The following XPO7 variants were observed in gnomAD, a reference collection of about 807,000 sequenced individuals.
XPO7 encodes exportin-7.
A neutral mutation model predicts 144.3 loss-of-function variants in XPO7; 21 were observed. The ratio of observed to expected loss-of-function variants is 0.15; its 90% confidence interval spans 0.10 to 0.21. The LOEUF is 0.21. XPO7 is among the 10% of genes least tolerant of loss of function. The pLI is 1.00. For missense variants in XPO7, 808 were observed against 1,325.8 expected (o/e 0.61, Z 6.06); for synonymous variants, 580 against 499.6 (o/e 1.16, Z -2.15).
At chr8:21,982,541 T>A (rs2054712) in intron 10 of XPO7, 99 bp from the exon 11 acceptor site, 38,439 of 1,344,162 alleles carry the variant, frequency 0.029, 680 homozygotes, top group Non-Finnish European at 0.034. Flanking sequence ...CCTCTTTTTT[T>A]AAAAAAAAGA....
At chr8:21,962,420 T>A (rs1811755409) in intron 1 of XPO7, among the ~76,000 whole-genome samples, 1 of 152,234 alleles carries the variant, frequency 6.6e-6, no homozygotes. Context: ...TTTAGCCTTG[T>A]GAATAGTTTT....
chr8:21,997,253 A>G (rs1433437258), intron 21 of XPO7, among the ~76,000 whole-genome samples: 3 of 152,254 alleles, frequency 2.0e-5, no homozygotes, highest in Non-Finnish European at 4.4e-5. Flanking sequence ...CCTAGCCACT[A>G]TGCCAGACAA....
At chr8:21,988,547 A>G (rs1339487487) in intron 15 of XPO7, 1 of 172,286 alleles carries the variant, frequency 5.8e-6, no homozygotes, top group Non-Finnish European at 1.2e-5. Flanking sequence ...CATATCCATG[A>G]GCTGGTTTAA....
intron 1 of XPO7, among the ~76,000 whole-genome samples, chr8:21,923,320 GA>G (rs1485428609): frequency 4.6e-5 from 7 of 152,112 alleles, no homozygotes; most frequent in Non-Finnish European, 7.4e-5. Flanking sequence ...GTAGATACAA[GA>G]AAGAATACAT....
At chr8:21,977,646 GAAAT>G (rs1011792900) in intron 7 of XPO7, 120 bp from the exon 8 acceptor site, 14 of 878,508 alleles carry the variant, frequency 1.6e-5, no homozygotes, top group Middle Eastern at 2.2e-4. Flanking sequence ...ACTTCCAAAG[GAAAT>G]AAATACTCTG....
rs145775323 is a variant in XPO7 at position 21,922,162 on chromosome 8, C to G, written c.18+2374C>G. On this transcript the variant is annotated intron_variant, in intron 1 of 27. Transcript: ENST00000252512. The stretch of plus-strand genomic sequence containing the variant: ...CTAAATAGTCGAGTCATTATGTTAT[C>G]TAGTGCTTTTCTGAACCACCAGGGT... 2.7e-3 allele frequency among the ~76,000 whole-genome samples: 411 copies of G among 152,182 alleles called. 2 individuals are homozygous for G. Among genetic ancestry groups the G allele is most frequent in the South Asian group, 0.027 (128 of 4,816 alleles).
intron 16 of XPO7, among the ~76,000 whole-genome samples, 167 bp from the exon 17 acceptor site, chr8:21,990,177 A>G (rs1420390279): frequency 6.6e-6 from 1 of 152,046 alleles, no homozygotes; most frequent in Non-Finnish European, 1.5e-5. Flanking sequence ...CTGATTAAAT[A>G]GTGCTTAGAA....
chr8:21,996,060 G>T (rs530720966), intron 21 of XPO7, among the ~76,000 whole-genome samples: 1 of 152,186 alleles, frequency 6.6e-6, no homozygotes, highest in East Asian at 1.9e-4. Flanking sequence ...CGTGATCCGC[G>T]TGCCTCGGCC....
intron 8 of XPO7, among the ~76,000 whole-genome samples, 189 bp from the exon 9 acceptor site, chr8:21,979,895 G>A (rs1352842272): frequency 6.6e-6 from 1 of 151,870 alleles, no homozygotes; most frequent in Non-Finnish European, 1.5e-5. Context: ...TTGTACCTAA[G>A]GGAATTTCCA....
intron 1 of XPO7, chr8:21,964,166 C>G (rs1015966257): frequency 6.6e-6 from 1 of 152,122 alleles, no homozygotes; most frequent in South Asian, 2.1e-4. Context: ...AGAAGTTTCT[C>G]CATGGATTAT....
At chr8:21,921,783 T>G (rs1810297060) in intron 1 of XPO7, among the ~76,000 whole-genome samples, 2 of 152,338 alleles carry the variant, frequency 1.3e-5, no homozygotes, top group South Asian at 4.1e-4. Flanking sequence ...TCTGTTGGTC[T>G]AAATTAGTGC....
intron 1 of XPO7, among the ~76,000 whole-genome samples, chr8:21,944,936 G>T (rs1046995718): frequency 6.6e-6 from 1 of 152,212 alleles, no homozygotes; most frequent in Non-Finnish European, 1.5e-5. Flanking sequence ...TAAGGTTATA[G>T]ATTAACAGCA....
intron 1 of XPO7, among the ~76,000 whole-genome samples, chr8:21,940,243 T>C (rs995125842): frequency 3.3e-5 from 5 of 152,188 alleles, no homozygotes; most frequent in Non-Finnish European, 5.9e-5. Flanking sequence ...AAAATTGATA[T>C]AGGAAAAGAA....
chr8:21,943,929 G>A (rs1205801266), intron 1 of XPO7, among the ~76,000 whole-genome samples: 1 of 152,166 alleles, frequency 6.6e-6, no homozygotes, highest in Admixed American at 6.5e-5. Context: ...AAGGATTTAA[G>A]ACAAGCTAAT....
chr8:21,992,959 G>C (rs892386435), intron 19 of XPO7, among the ~76,000 whole-genome samples: 11 of 152,172 alleles, frequency 7.2e-5, no homozygotes, highest in Admixed American at 5.9e-4. Flanking sequence ...AAAAATGCCA[G>C]GCTTTACCTA....
chr8:21,992,338 CAG>C lies in XPO7; in HGVS notation c.2148+366_2148+367del, dbSNP rs557596171. The stretch of plus-strand genomic sequence containing the variant: ...GTTTTCTTAAAATTGTGGTAAAAAA[CAG>C]AAAGTTTACCATCTTTACCATTTTT... On this transcript the variant is annotated intron_variant, in intron 19 of 27. Transcript: ENST00000252512. Among the ~76,000 whole-genome samples the C allele has an allele frequency of 2.0e-3, 305 of 152,188 alleles. 1 individual carries two copies. Among genetic ancestry groups the C allele is most frequent in the Middle Eastern group, 3.4e-3 (1 of 294 alleles).
At position 21,919,715 on chromosome 8, in the gene XPO7, G is replaced by T. The variant is rs543608753; in HGVS notation, c.-56G>T. ...GGCGGCGGCGGCGGCAGCGGCTCCGGCCGAGGTGCGCGCTGGGGGGGAGGG... is the reference window on the plus strand; with the variant it reads ...GGCGGCGGCGGCGGCAGCGGCTCCGTCCGAGGTGCGCGCTGGGGGGGAGGG... On this transcript the variant is annotated 5_prime_UTR_variant, in exon 1 of 28. Transcript: ENST00000252512. 4.8e-4 allele frequency: 122 copies of T among 254,436 alleles called. No homozygotes were observed. The highest frequency in any genetic ancestry group is 2.7e-3 in the African/African-American group (115 of 43,182). 15.8% of individuals were successfully genotyped at this position (254,436 alleles called of 1,614,324 possible).
chr8:22,005,296 C>A lies in XPO7; in HGVS notation c.*208C>A. 1 of 371,668 alleles carries A rather than the reference C, an allele frequency of 2.7e-6. No homozygotes were observed. The highest frequency in any genetic ancestry group is 4.8e-6 in the Non-Finnish European group (1 of 207,506). 23.0% of individuals were successfully genotyped at this position (371,668 alleles called of 1,614,324 possible). On this transcript the variant is annotated 3_prime_UTR_variant, in exon 28 of 28. Transcript: ENST00000252512. ...CAGGGCGCTGCTGGTTCCTGGGGGACTGGGTGGGAAGGGTGGTGGGAGGAG... is the reference window on the plus strand; with the variant it reads ...CAGGGCGCTGCTGGTTCCTGGGGGAATGGGTGGGAAGGGTGGTGGGAGGAG...
intron 1 of XPO7, among the ~76,000 whole-genome samples, chr8:21,946,795 T>G (rs1811209319): frequency 6.6e-6 from 1 of 151,510 alleles, no homozygotes; most frequent in South Asian, 2.1e-4. Context: ...CACTTTATAG[T>G]AAAGCCACAA....
Sources: allele counts gnomAD v4.1 joint callset (sites outside exome capture counted in the v4.1 genomes callset), GRCh38; gene constraint gnomAD v4.1.1; transcripts MANE v1.5; gene names NCBI Gene and HGNC (gene_info 2026-07-23, HGNC 2026-07-21).